CRPPA: variants seen among roughly 807,000 people sequenced by gnomAD.
CRPPA encodes CDP-L-ribitol pyrophosphorylase A, also known as D-ribitol-5-phosphate cytidylyltransferase.
In CRPPA, 43 loss-of-function variants were observed where a neutral mutation model predicts 52.0. That is an observed-to-expected ratio of 0.83 (90% CI 0.65 to 1.07). The LOEUF (loss-of-function observed/expected upper bound fraction) is 1.07. Ranked by LOEUF, CRPPA falls within the 50% of genes least tolerant of loss-of-function variation. The probability of loss-of-function intolerance (pLI) is 0.00; values close to 1 mark genes in which losing one functional copy is unlikely to be tolerated. For missense variants in CRPPA, 629 were observed against 551.7 expected (o/e 1.14, Z -1.40); for synonymous variants, 250 against 203.5 (o/e 1.23, Z -1.94).
At chr7:16,163,608 T>A (rs1239591556) in intron 9 of CRPPA, among the ~76,000 whole-genome samples, 3 of 152,200 alleles carry the variant, frequency 2.0e-5, no homozygotes, top group Admixed American at 1.3e-4. Flanking sequence ...TTCTTCATAG[T>A]GTCAATGGTC....
chr7:16,250,507 C>T (rs911420820), intron 8 of CRPPA, among the ~76,000 whole-genome samples: 6 of 152,202 alleles, frequency 3.9e-5, no homozygotes, highest in Admixed American at 3.9e-4. Context: ...GGAAGCCCAT[C>T]AGGCTAACAG....
At chr7:16,275,170 A>C (rs888747239) in intron 6 of CRPPA, among the ~76,000 whole-genome samples, 2 of 152,210 alleles carry the variant, frequency 1.3e-5, no homozygotes, top group African/African-American at 2.4e-5. Context: ...GAGTAAACCA[A>C]GAAAGACAGA....
At chr7:16,347,877 A>G (rs951862369) in intron 3 of CRPPA, among the ~76,000 whole-genome samples, 2 of 152,076 alleles carry the variant, frequency 1.3e-5, no homozygotes, top group African/African-American at 2.4e-5. Context: ...TAATTCACCA[A>G]TGCAGGGAGT....
At chr7:16,144,286 C>T (rs994767293) in intron 9 of CRPPA, among the ~76,000 whole-genome samples, 1 of 152,192 alleles carries the variant, frequency 6.6e-6, no homozygotes, top group Non-Finnish European at 1.5e-5. Flanking sequence ...GCCTGCAAAC[C>T]TTAGGCCCAA....
intron 6 of CRPPA, among the ~76,000 whole-genome samples, chr7:16,268,053 T>C (rs141818924): frequency 1.7e-3 from 255 of 152,144 alleles, no homozygotes; most frequent in Non-Finnish European, 3.2e-3. Flanking sequence ...CCCATATAAA[T>C]TGAGGGACAA....
intron 3 of CRPPA, among the ~76,000 whole-genome samples, chr7:16,362,571 A>G (rs1271899640): frequency 1.3e-5 from 2 of 152,238 alleles, no homozygotes; most frequent in African/African-American, 4.8e-5. Context: ...AGAAGAAATT[A>G]TCCATGCTTT....
At chr7:16,388,383 T>C (rs1233156201) in intron 2 of CRPPA, among the ~76,000 whole-genome samples, 4 of 152,070 alleles carry the variant, frequency 2.6e-5, no homozygotes, top group African/African-American at 7.3e-5. Context: ...TGAAAATGTA[T>C]GGGGTACAGC....
intron 8 of CRPPA, among the ~76,000 whole-genome samples, chr7:16,254,353 G>A (rs1056876832): frequency 5.9e-5 from 9 of 152,078 alleles, no homozygotes; most frequent in Non-Finnish European, 1.3e-4. Flanking sequence ...GCCCATCAAC[G>A]ATAGACTGGA....
In CRPPA at chr7:16,294,989, G is replaced by A. The variant is rs74700376; in HGVS notation, c.835+6432C>T. 6.8e-3 allele frequency among the ~76,000 whole-genome samples: 1,030 copies of A among 152,144 alleles called. 15 individuals are homozygous for A. Among genetic ancestry groups the A allele is most frequent in the African/African-American group, 0.024 (1,007 of 41,552 alleles). On this transcript the variant is annotated intron_variant, in intron 5 of 9. Transcript: ENST00000407010. ...GGATCGCTAAGAAATCAAGGGACTA[G>A]TTTCTGCATATGCATAAAACACACT...
intron 9 of CRPPA, among the ~76,000 whole-genome samples, chr7:16,214,595 C>A (rs772136090): frequency 2.0e-5 from 3 of 152,110 alleles, no homozygotes; most frequent in Non-Finnish European, 4.4e-5. Flanking sequence ...GCCTCCGCCT[C>A]CCAGATTCAA....
intron 3 of CRPPA, among the ~76,000 whole-genome samples, chr7:16,355,199 A>G (rs1000387490): frequency 6.6e-6 from 1 of 152,208 alleles, no homozygotes; most frequent in African/African-American, 2.4e-5. Context: ...TATTAACCTC[A>G]TGTAACTACC....
At chr7:16,231,187 G>C (rs1782786309) in intron 8 of CRPPA, among the ~76,000 whole-genome samples, 1 of 152,158 alleles carries the variant, frequency 6.6e-6, no homozygotes, top group Non-Finnish European at 1.5e-5. Flanking sequence ...CAGAGTTGGG[G>C]AGGAGTAACA....
At chr7:16,374,688 C>G (rs1246165601) in intron 3 of CRPPA, among the ~76,000 whole-genome samples, 2 of 152,042 alleles carry the variant, frequency 1.3e-5, no homozygotes, top group Non-Finnish European at 2.9e-5. Context: ...ATGAACTATC[C>G]ATATTCCCAG....
At chr7:16,208,736 T>C (rs1782034824) in intron 9 of CRPPA, among the ~76,000 whole-genome samples, 1 of 152,196 alleles carries the variant, frequency 6.6e-6, no homozygotes, top group Non-Finnish European at 1.5e-5. Flanking sequence ...TCTTCATATG[T>C]ATGCCTGGGT....
chr7:16,405,008 G>A (rs1485399066), intron 2 of CRPPA, among the ~76,000 whole-genome samples: 2 of 152,052 alleles, frequency 1.3e-5, no homozygotes, highest in African/African-American at 4.8e-5. Flanking sequence ...TGTTGCAGAA[G>A]GAAGAGATGA....
intron 1 of CRPPA, among the ~76,000 whole-genome samples, chr7:16,406,724 A>C (rs528453361): frequency 3.3e-5 from 5 of 152,216 alleles, no homozygotes; most frequent in Non-Finnish European, 7.3e-5. Context: ...CAATGAGACA[A>C]TTGAAAGCAC....
intron 8 of CRPPA, among the ~76,000 whole-genome samples, chr7:16,238,218 T>C (rs975749017): frequency 6.6e-6 from 1 of 152,158 alleles, no homozygotes; most frequent in African/African-American, 2.4e-5. Context: ...TAAAGTAAGA[T>C]GCTGTTTTTT....
At chr7:16,153,073 A>G (rs1305813524) in intron 9 of CRPPA, among the ~76,000 whole-genome samples, 1 of 152,086 alleles carries the variant, frequency 6.6e-6, no homozygotes, top group Non-Finnish European at 1.5e-5. Flanking sequence ...CTTTTAGGGC[A>G]AAGAACCATG....
chr7:16,149,713 C>T (rs1562527012), intron 9 of CRPPA, among the ~76,000 whole-genome samples: 1 of 152,086 alleles, frequency 6.6e-6, no homozygotes, highest in Non-Finnish European at 1.5e-5. Context: ...TGGCCAGGAG[C>T]GGGGGCTCAC....
Sources: gnomAD v4.1 joint callset for allele counts (sites outside exome capture counted in the v4.1 genomes callset) on GRCh38, gnomAD v4.1.1 for gene constraint, MANE v1.5 for transcripts, NCBI Gene and HGNC (gene_info 2026-07-23, HGNC 2026-07-21) for gene names.